The following CYP19A1 variants were observed in gnomAD, a reference collection of about 807,000 sequenced individuals.
The protein encoded by CYP19A1 is aromatase.
CYP19A1 carries 32 observed loss-of-function variants against 44.4 expected under a neutral mutation model. The ratio of observed to expected loss-of-function variants is 0.72; its 90% confidence interval spans 0.54 to 0.97. The LOEUF (loss-of-function observed/expected upper bound fraction) is 0.97, where lower values mean the gene tolerates loss of function less well. CYP19A1 is among the 50% of genes least tolerant of loss of function. The probability of loss-of-function intolerance (pLI) is 0.00; values close to 1 mark genes in which losing one functional copy is unlikely to be tolerated. For missense variants in CYP19A1, 598 were observed against 637.8 expected (o/e 0.94, Z 0.67); for synonymous variants, 212 against 215.6 (o/e 0.98, Z 0.14).
intron 1 of CYP19A1, among the ~76,000 whole-genome samples, chr15:51,291,389 A>C (rs139735033): frequency 0.01 from 1,529 of 152,298 alleles, 11 homozygotes; most frequent in Non-Finnish European, 0.017. Flanking sequence ...AGATGATTCC[A>C]AGCCCACTAG....
intron 1 of CYP19A1, among the ~76,000 whole-genome samples, chr15:51,326,282 A>C (rs1018369748): frequency 6.6e-6 from 1 of 152,216 alleles, no homozygotes; most frequent in African/African-American, 2.4e-5. Flanking sequence ...GGACCTCCCA[A>C]GGCCCAGCTT....
chr15:51,257,586 A>T (rs1004305916), intron 1 of CYP19A1, among the ~76,000 whole-genome samples: 3 of 152,196 alleles, frequency 2.0e-5, no homozygotes, highest in Non-Finnish European at 4.4e-5. Context: ...CCTCCATGTC[A>T]TGGCGTAAGG....
At chr15:51,304,066 A>G (rs2036166289) in intron 1 of CYP19A1, among the ~76,000 whole-genome samples, 3 of 152,198 alleles carry the variant, frequency 2.0e-5, no homozygotes, top group African/African-American at 7.2e-5. Context: ...AGAAAAATAG[A>G]CGATCAGGGA....
chr15:51,284,131 C>T (rs1414392525), intron 1 of CYP19A1, among the ~76,000 whole-genome samples: 1 of 152,186 alleles, frequency 6.6e-6, no homozygotes, highest in Non-Finnish European at 1.5e-5. Context: ...AAGAATTGCT[C>T]AGTTGCTGCT....
chr15:51,294,615 T>C (rs867245551), intron 1 of CYP19A1, among the ~76,000 whole-genome samples: 39 of 99,362 alleles, frequency 3.9e-4, no homozygotes, highest in African/African-American at 1.2e-3. Context: ...CCAGCTGCCC[T>C]GTCCGGGAGG....
intron 3 of CYP19A1, among the ~76,000 whole-genome samples, chr15:51,228,253 A>C (rs1179678256): frequency 6.6e-6 from 1 of 152,178 alleles, no homozygotes; most frequent in Non-Finnish European, 1.5e-5. Context: ...TCAGAGCTGC[A>C]AGGCTGCTAA....
intron 1 of CYP19A1, among the ~76,000 whole-genome samples, chr15:51,327,461 C>CCATCCATTCACTAATT (rs1452672288): frequency 6.6e-6 from 1 of 152,142 alleles, no homozygotes; most frequent in Non-Finnish European, 1.5e-5. Flanking sequence ...ATTCACTCAT[C>CCATCCATTCACTAATT]CATCCATTCA....
At chr15:51,306,709 TATAAC>T (rs1245496043) in intron 1 of CYP19A1, among the ~76,000 whole-genome samples, 2 of 152,246 alleles carry the variant, frequency 1.3e-5, no homozygotes, top group Admixed American at 1.3e-4. Context: ...TGATGATGTC[TATAAC>T]ACAGAAGCAA....
chr15:51,251,133 G>A (rs1566895619), intron 1 of CYP19A1, among the ~76,000 whole-genome samples: 1 of 152,156 alleles, frequency 6.6e-6, no homozygotes, highest in Non-Finnish European at 1.5e-5. Flanking sequence ...AGGTGAGGGC[G>A]AAAGGGAAGC....
chr15:51,297,817 GACACACACACACACACACACACAC>G (rs1159870053), intron 1 of CYP19A1, among the ~76,000 whole-genome samples: 6 of 111,790 alleles, frequency 5.4e-5, no homozygotes, highest in South Asian at 3.8e-4. Flanking sequence ...CTGTAGGCAT[GACACACACACACACACACACACAC>G]ACACACACAC....
intron 1 of CYP19A1, among the ~76,000 whole-genome samples, chr15:51,327,214 G>C (rs1018303984): frequency 6.6e-6 from 1 of 152,168 alleles, no homozygotes; most frequent in African/African-American, 2.4e-5. Flanking sequence ...CATATGCCAG[G>C]CTTGTTACTG....
rs952342451 is a variant in CYP19A1, at chr15:51,208,323, A to T, written c.*2485T>A. The stretch of plus-strand genomic sequence containing the variant: ...TTGAGAGGGGGAAAATGGGATCTCA[A>T]TGAAGGCATGGGGGTGTCTAGCATG... On this transcript the variant is annotated 3_prime_UTR_variant, in exon 10 of 10. Coordinates refer to ENST00000396402, the MANE Select transcript of CYP19A1 (RefSeq NM_000103.4). 1 of 152,182 alleles carries T rather than the reference A, an allele frequency of 6.6e-6. No homozygotes were observed. Among genetic ancestry groups the T allele is most frequent in the South Asian group, 2.1e-4 (1 of 4,822 alleles). The allele number at this position is 152,182 out of a possible 1,614,324, so 9.4% of individuals were successfully genotyped here.
intron 4 of CYP19A1, among the ~76,000 whole-genome samples, chr15:51,223,607 A>T (rs894108673): frequency 3.4e-5 from 5 of 145,466 alleles, no homozygotes; most frequent in African/African-American, 4.9e-5. Flanking sequence ...ACACACACAC[A>T]CACACACACA....
intron 3 of CYP19A1, among the ~76,000 whole-genome samples, chr15:51,233,901 C>A (rs1158441570): frequency 6.6e-6 from 1 of 152,170 alleles, no homozygotes; most frequent in Non-Finnish European, 1.5e-5. Flanking sequence ...CTACAGCTCA[C>A]CAGATGGACC....
intron 1 of CYP19A1, among the ~76,000 whole-genome samples, chr15:51,316,708 T>G (rs373015169): frequency 1.3e-5 from 2 of 150,024 alleles, no homozygotes; most frequent in South Asian, 2.1e-4. Context: ...GGGAGACCTC[T>G]GTCTCTTAAA....
chr15:51,240,657 C>T (rs73401873), intron 2 of CYP19A1, among the ~76,000 whole-genome samples: 9 of 152,306 alleles, frequency 5.9e-5, no homozygotes, highest in Admixed American at 3.9e-4. Context: ...ACAGTCTGTG[C>T]TACTAGTGGA....
At chr15:51,314,757 C>T (rs2036390407) in intron 1 of CYP19A1, among the ~76,000 whole-genome samples, 1 of 152,222 alleles carries the variant, frequency 6.6e-6, no homozygotes, top group African/African-American at 2.4e-5. Flanking sequence ...TTTTTCCTTG[C>T]TCAAAACACA....
intron 1 of CYP19A1, among the ~76,000 whole-genome samples, chr15:51,308,273 T>C (rs1422998406): frequency 6.6e-6 from 1 of 152,298 alleles, no homozygotes; most frequent in East Asian, 1.9e-4. Flanking sequence ...GTAGAAGGAA[T>C]GACTCTTCTC....
intron 1 of CYP19A1, chr15:51,318,916 A>C (rs749742493): frequency 6.6e-5 from 10 of 152,216 alleles, no homozygotes; most frequent in South Asian, 2.1e-4. Context: ...GCATTCCAGC[A>C]TGAACCACAT....
Sources: gnomAD v4.1 joint callset for allele counts (sites outside exome capture counted in the v4.1 genomes callset) on GRCh38, gnomAD v4.1.1 for gene constraint, MANE v1.5 for transcripts, NCBI Gene and HGNC (gene_info 2026-07-23, HGNC 2026-07-21) for gene names.